Variants in EMP2 observed in about 807,000 individuals in gnomAD.
The protein encoded by EMP2 is epithelial membrane protein 2.
A neutral mutation model predicts 13.7 loss-of-function variants in EMP2; 19 were observed. The ratio of observed to expected loss-of-function variants is 1.38; its 90% CI spans 0.97 to 2.03. EMP2 has a LOEUF of 2.03. Among genes scored for constraint, EMP2 ranks in the 30% most tolerant of loss-of-function variants. EMP2 has a pLI of 0.00. For synonymous variants in EMP2, 97 were observed against 84.7 expected, an observed-to-expected ratio of 1.15 and a Z score of -0.80; for missense variants, 253 against 220.7, an observed-to-expected ratio of 1.15 and a Z score of -0.93.
intron 1 of EMP2, among the ~76,000 whole-genome samples, chr16:10,573,979 C>G (rs983724884): frequency 5.6e-5 from 8 of 143,984 alleles, no homozygotes; most frequent in African/African-American, 1.6e-4. Flanking sequence ...GCTCTGTCAC[C>G]CAGGCTGGAG....
Position 10,547,594 on chromosome 16 carries a change from G to A in EMP2, c.24C>T (p.Ile8=). Residue 8 remains isoleucine (I), a synonymous_variant, in exon 2 of 5, where the codon ATC becomes ATT. Transcript: ENST00000359543. MLVLLAF[I]IAFHITSAAL... ...CTGCAGAGGTGATGTGGAAGGCGAT[G>A]ATGAAAGCAAGAAGCACCAACATTT... 1 of 1,614,178 alleles carries A rather than the reference G, an allele frequency of 6.2e-7. No individual in the cohort carries two copies. Among genetic ancestry groups the A allele is most frequent in the Non-Finnish European group, 8.5e-7 (1 of 1,180,024 alleles).
At chr16:10,574,590 GCT>G (rs2050969755) in intron 1 of EMP2, among the ~76,000 whole-genome samples, 2 of 151,480 alleles carry the variant, frequency 1.3e-5, no homozygotes, top group African/African-American at 4.9e-5. Context: ...ATGGAGTCTC[GCT>G]CTGTCACCCA....
intron 1 of EMP2, among the ~76,000 whole-genome samples, chr16:10,560,268 C>A (rs1166602072): frequency 6.6e-6 from 1 of 152,180 alleles, no homozygotes; most frequent in Non-Finnish European, 1.5e-5. Flanking sequence ...TTGCAAAGCA[C>A]ACTGGGGACA....
chr16:10,559,034 A>T (rs1317350905), intron 1 of EMP2: 1 of 152,340 alleles, frequency 6.6e-6, no homozygotes, highest in African/African-American at 2.4e-5. Flanking sequence ...CAATCTCCCA[A>T]TTCAGAAGTG....
intron 1 of EMP2, among the ~76,000 whole-genome samples, chr16:10,569,359 G>T (rs2050931319): frequency 6.6e-6 from 1 of 152,124 alleles, no homozygotes; most frequent in South Asian, 2.1e-4. Context: ...TTAAAACAGG[G>T]TCTCGCTCTG....
chr16:10,570,215 A>G (rs1375219906), intron 1 of EMP2, among the ~76,000 whole-genome samples: 1 of 151,028 alleles, frequency 6.6e-6, no homozygotes, highest in Non-Finnish European at 1.5e-5. Flanking sequence ...GTCCCTGAAA[A>G]AATGGTGGCT....
intron 1 of EMP2, among the ~76,000 whole-genome samples, chr16:10,558,289 A>G (rs1236279218): frequency 1.3e-5 from 2 of 152,172 alleles, no homozygotes; most frequent in Non-Finnish European, 2.9e-5. Flanking sequence ...GGCCTCCCAA[A>G]GTGCTGGGAT....
chr16:10,568,775 A>ATTTTT (rs1339434534), intron 1 of EMP2, among the ~76,000 whole-genome samples: 3 of 67,282 alleles, frequency 4.5e-5, no homozygotes, highest in Admixed American at 1.5e-4. Flanking sequence ...TTGTGCTAGG[A>ATTTTT]TTTTCTTTTT....
Position 10,530,419 on chromosome 16 carries a change from T to A in EMP2, c.*2486A>T, listed in dbSNP as rs2050589342. The A allele has an allele frequency of 6.6e-6, 1 of 152,658 alleles. No individual in the cohort carries two copies. The highest frequency in any genetic ancestry group is 2.4e-5 in the African/African-American group (1 of 41,456). The allele number at this position is 152,658 out of a possible 1,614,324, so 9.5% of individuals were successfully genotyped here. On this transcript the variant is annotated 3_prime_UTR_variant, in exon 5 of 5. Coordinates refer to ENST00000359543, the MANE Select transcript of EMP2 (RefSeq NM_001424.6). ...GATGTCTCTTCAGCTCCACTGGAAC[T>A]GAGCTGATGGCAAACCACCACTCCA... is the stretch of plus-strand genomic sequence containing the variant.
At chr16:10,555,742 C>G (rs1021035560) in intron 1 of EMP2, among the ~76,000 whole-genome samples, 1 of 152,126 alleles carries the variant, frequency 6.6e-6, no homozygotes, top group Non-Finnish European at 1.5e-5. Context: ...CATGCGCCAC[C>G]ACGCCTGGCT....
intron 1 of EMP2, among the ~76,000 whole-genome samples, chr16:10,562,126 AAGAC>A (rs1430804422): frequency 6.6e-6 from 1 of 152,238 alleles, no homozygotes; most frequent in African/African-American, 2.4e-5. Context: ...CAAGAAAGGA[AAGAC>A]AGACCAATAT....
intron 1 of EMP2, among the ~76,000 whole-genome samples, chr16:10,557,942 G>A (rs1180811012): frequency 6.6e-6 from 1 of 152,084 alleles, no homozygotes; most frequent in Non-Finnish European, 1.5e-5. Flanking sequence ...ACAAGAGGGA[G>A]GAGAAAGGGG....
intron 1 of EMP2, chr16:10,576,630 C>T (rs2050986013): frequency 6.6e-6 from 1 of 151,998 alleles, no homozygotes. Flanking sequence ...TGTCATCTAG[C>T]CTGTCCCTAA....
At chr16:10,569,963 C>T (rs935072397) in intron 1 of EMP2, among the ~76,000 whole-genome samples, 1 of 152,220 alleles carries the variant, frequency 6.6e-6, no homozygotes, top group African/African-American at 2.4e-5. Flanking sequence ...CTTCTCAGGG[C>T]TTCCAAACCC....
At chr16:10,557,921 G>C (rs1396942241) in intron 1 of EMP2, among the ~76,000 whole-genome samples, 1 of 152,108 alleles carries the variant, frequency 6.6e-6, no homozygotes, top group Non-Finnish European at 1.5e-5. Context: ...GAGTGGGGCT[G>C]TGGAGGAGGA....
chr16:10,553,389 C>T (rs965904301), intron 1 of EMP2, among the ~76,000 whole-genome samples: 4 of 152,204 alleles, frequency 2.6e-5, no homozygotes, highest in Non-Finnish European at 4.4e-5. Context: ...CCGCCCCTCA[C>T]TCATCTCTTC....
intron 1 of EMP2, among the ~76,000 whole-genome samples, chr16:10,554,264 T>C (rs1444807025): frequency 6.6e-6 from 1 of 152,172 alleles, no homozygotes; most frequent in Non-Finnish European, 1.5e-5. Flanking sequence ...CCTCCTAACC[T>C]CAGGTGATCC....
At chr16:10,562,154 G>A (rs1201966567) in intron 1 of EMP2, among the ~76,000 whole-genome samples, 1 of 152,054 alleles carries the variant, frequency 6.6e-6, no homozygotes, top group Non-Finnish European at 1.5e-5. Context: ...ACATGTGCAT[G>A]AGTGAAAAAA....
chr16:10,553,028 T>A (rs1175046179), intron 1 of EMP2, among the ~76,000 whole-genome samples: 4 of 152,156 alleles, frequency 2.6e-5, no homozygotes, highest in African/African-American at 9.7e-5. Flanking sequence ...GGAATTCAGA[T>A]CTCCAGTAAA....
Sources: allele counts gnomAD v4.1 joint callset (sites outside exome capture counted in the v4.1 genomes callset), GRCh38; gene constraint gnomAD v4.1.1; transcripts MANE v1.5; gene names NCBI Gene and HGNC (gene_info 2026-07-23, HGNC 2026-07-21).